SLCO4C1: variants seen among roughly 807,000 people sequenced by gnomAD.
SLCO4C1 encodes the protein organic anion transporter M1.
In SLCO4C1, 58 loss-of-function variants were observed where a neutral mutation model predicts 72.1. The observed-to-expected ratio is 0.80, with a 90% CI of 0.65 to 1.00. The LOEUF is 1.00. Among genes scored for constraint, SLCO4C1 ranks in the 50% least tolerant of loss-of-function variants. The pLI, the probability that SLCO4C1 is intolerant of heterozygous loss-of-function variation, is 0.00. For missense variants in SLCO4C1, 898 were observed against 857.9 expected (o/e 1.05, Z -0.58); for synonymous variants, 297 against 312.5 (o/e 0.95, Z 0.52).
intron 3 of SLCO4C1, among the ~76,000 whole-genome samples, chr5:102,264,891 T>C (rs1451605117): frequency 6.6e-6 from 1 of 152,076 alleles, no homozygotes; most frequent in African/African-American, 2.4e-5. Flanking sequence ...ATTTATCTTC[T>C]GTGCCTGACT....
At chr5:102,246,232 A>C (rs1748633796) in intron 10 of SLCO4C1, among the ~76,000 whole-genome samples, 1 of 152,058 alleles carries the variant, frequency 6.6e-6, no homozygotes, top group African/African-American at 2.4e-5. Flanking sequence ...TGATCAATGA[A>C]AAATTAAACA....
chr5:102,262,102 C>CT, intron 4 of SLCO4C1, 69 bp from the exon 5 acceptor site: 1 of 1,360,488 alleles, frequency 7.4e-7, no homozygotes. Context: ...TTAGGATAAT[C>CT]ATATACTTTA....
chr5:102,295,363 G>A (rs967693118), intron 1 of SLCO4C1, among the ~76,000 whole-genome samples: 1 of 152,162 alleles, frequency 6.6e-6, no homozygotes, highest in Admixed American at 6.5e-5. Flanking sequence ...CTCCTCTGGT[G>A]ACCACATACT....
intron 10 of SLCO4C1, among the ~76,000 whole-genome samples, chr5:102,241,425 A>G (rs1748537400): frequency 2.6e-5 from 4 of 152,208 alleles, no homozygotes. Context: ...ATACAAAATC[A>G]TAATACAAAA....
chr5:102,281,782 C>T (rs1426034604), intron 2 of SLCO4C1, among the ~76,000 whole-genome samples: 1 of 151,972 alleles, frequency 6.6e-6, no homozygotes, highest in Non-Finnish European at 1.5e-5. Flanking sequence ...TCAAATAAAC[C>T]GAGTCACTCA....
chr5:102,273,816 C>A (rs914930318), intron 2 of SLCO4C1, among the ~76,000 whole-genome samples: 1 of 152,006 alleles, frequency 6.6e-6, no homozygotes, highest in Non-Finnish European at 1.5e-5. Flanking sequence ...GCTAGATTTA[C>A]CTATTCAATG....
rs1159587372 is a variant in SLCO4C1 at position 102,236,875 on chromosome 5, T to C, written c.2158A>G (p.Ile720Val). 9 of 1,612,154 alleles carry C rather than the reference T, an allele frequency of 5.6e-6. No individual in the cohort carries two copies. Among genetic ancestry groups the C allele is most frequent in the Non-Finnish European group, 1.7e-6 (2 of 1,179,590 alleles). The change falls in exon 13 of 13, where the codon ATA becomes GTA. Residue 720 changes from isoleucine to valine, a missense_variant. Coordinates refer to ENST00000310954, the MANE Select transcript of SLCO4C1 (RefSeq NM_180991.5). Reference sequence around the variant, plus strand: ...TTCCCATTTCACCCTTCTTTTACTATTTTGTTGAGATCCTGTTCTGCTAAA... The same window carrying C: ...TTCCCATTTCACCCTTCTTTTACTACTTTGTTGAGATCCTGTTCTGCTAAA... The part of the protein sequence containing the change: ...NVLAEQDLNK[I>V]VKEG
At chr5:102,251,951 A>G (rs1172157252) in intron 8 of SLCO4C1, among the ~76,000 whole-genome samples, 1 of 151,876 alleles carries the variant, frequency 6.6e-6, no homozygotes, top group Non-Finnish European at 1.5e-5. Context: ...ACTAGAAATG[A>G]CAGATTGAGG....
chr5:102,260,346 T>TAA, intron 5 of SLCO4C1, 27 bp from the exon 6 acceptor site: 1 of 315,780 alleles, frequency 3.2e-6, no homozygotes. Flanking sequence ...TATATATATA[T>TAA]AATATATATA....
At chr5:102,273,837 G>T (rs1008501035) in intron 2 of SLCO4C1, among the ~76,000 whole-genome samples, 2 of 152,072 alleles carry the variant, frequency 1.3e-5, no homozygotes, top group Admixed American at 6.6e-5. Flanking sequence ...AATTTTGTGA[G>T]ATTATTAGTT....
At chr5:102,243,421 G>A (rs1204773670) in intron 10 of SLCO4C1, among the ~76,000 whole-genome samples, 3 of 152,190 alleles carry the variant, frequency 2.0e-5, no homozygotes, top group South Asian at 2.1e-4. Context: ...CTTCAGGTAC[G>A]ACCCAGTGCA....
At chr5:102,252,115 T>G (rs1748750799) in intron 8 of SLCO4C1, among the ~76,000 whole-genome samples, 6 of 134,294 alleles carry the variant, frequency 4.5e-5, no homozygotes, top group Admixed American at 7.7e-5. Flanking sequence ...GGGAAAGAGA[T>G]AAGGAAAGGG....
At chr5:102,237,851 A>C (rs1748468222) in intron 12 of SLCO4C1, among the ~76,000 whole-genome samples, 1 of 152,190 alleles carries the variant, frequency 6.6e-6, no homozygotes, top group South Asian at 2.1e-4. Flanking sequence ...TATCAGCTAA[A>C]AATAAACATT....
intron 3 of SLCO4C1, among the ~76,000 whole-genome samples, chr5:102,267,575 C>T (rs1749064014): frequency 7.0e-6 from 1 of 142,646 alleles, no homozygotes; most frequent in South Asian, 2.2e-4. Flanking sequence ...TTTCATTGAT[C>T]TTCTGTAGTT....
chr5:102,294,340 C>A (rs962282520), intron 1 of SLCO4C1, among the ~76,000 whole-genome samples: 6 of 152,234 alleles, frequency 3.9e-5, no homozygotes, highest in African/African-American at 1.4e-4. Context: ...GCCACCATGC[C>A]CAGCCTATTG....
intron 2 of SLCO4C1, among the ~76,000 whole-genome samples, chr5:102,284,160 A>AT (rs1580266149): frequency 6.6e-6 from 1 of 151,830 alleles, no homozygotes; most frequent in African/African-American, 2.4e-5. Context: ...ATGTTACCCT[A>AT]TTTTTTTAGC....
At chr5:102,244,328 A>G (rs1748599747) in intron 10 of SLCO4C1, among the ~76,000 whole-genome samples, 1 of 152,218 alleles carries the variant, frequency 6.6e-6, no homozygotes. Flanking sequence ...CTTTTTGAAA[A>G]TATACAGTCA....
At chr5:102,282,050 C>T (rs1749365329) in intron 2 of SLCO4C1, among the ~76,000 whole-genome samples, 3 of 151,944 alleles carry the variant, frequency 2.0e-5, no homozygotes, top group African/African-American at 2.4e-5. Context: ...TACATCCATA[C>T]CATGGATTAC....
chr5:102,243,978 G>C (rs541047817), intron 10 of SLCO4C1, among the ~76,000 whole-genome samples: 103 of 152,256 alleles, frequency 6.8e-4, no homozygotes, highest in African/African-American at 2.5e-3. Context: ...TTGAGGTCAG[G>C]AGTTTGAGAC....
Sources: gnomAD v4.1 joint callset for allele counts (sites outside exome capture counted in the v4.1 genomes callset) on GRCh38, gnomAD v4.1.1 for gene constraint, MANE v1.5 for transcripts, NCBI Gene and HGNC (gene_info 2026-07-23, HGNC 2026-07-21) for gene names.